The following TNFSF4 variants were observed in gnomAD, a reference collection of about 807,000 sequenced individuals.
The protein encoded by TNFSF4 is TNF superfamily member 4.
A neutral mutation model predicts 7.3 loss-of-function variants in TNFSF4; 4 were observed. The observed-to-expected ratio is 0.55, with a 90% CI of 0.27 to 1.25. TNFSF4 has a LOEUF of 1.25. Among genes scored for constraint, TNFSF4 ranks in the 50% most tolerant of loss-of-function variants. TNFSF4 has a pLI of 0.12. For missense variants in TNFSF4, 181 were observed against 208.8 expected (o/e 0.87, Z 0.82); for synonymous variants, 76 against 83.7 (o/e 0.91, Z 0.50).
At chr1:173,275,725 C>T in the TNFSF4 span, among the ~76,000 whole-genome samples, 139 of 152,218 alleles carry the variant, frequency 9.1e-4, no homozygotes, top group Admixed American at 1.9e-3. Context: ...AAGTTGTTGA[C>T]AATGTTTAGA....
chr1:173,437,084 G>GT, the TNFSF4 span, among the ~76,000 whole-genome samples: 1 of 152,164 alleles, frequency 6.6e-6, no homozygotes, highest in Non-Finnish European at 1.5e-5. Context: ...GCAGTATTCT[G>GT]TATGTATTGT....
chr1:173,317,549 A>G, the TNFSF4 span, among the ~76,000 whole-genome samples: 1 of 152,232 alleles, frequency 6.6e-6, no homozygotes, highest in South Asian at 2.1e-4. Context: ...AAAGAAAGAA[A>G]CTAGATTTAA....
the TNFSF4 span, among the ~76,000 whole-genome samples, chr1:173,275,215 C>A: frequency 6.6e-6 from 1 of 152,098 alleles, no homozygotes; most frequent in Non-Finnish European, 1.5e-5. Context: ...ACAGAACAGG[C>A]CTGGGCAGAT....
At chr1:173,365,976 A>G in the TNFSF4 span, among the ~76,000 whole-genome samples, 1 of 152,248 alleles carries the variant, frequency 6.6e-6, no homozygotes, top group Non-Finnish European at 1.5e-5. Context: ...ACAGGCAATA[A>G]CAAATGCTAG....
chr1:173,212,050 G>C (rs954899477), upstream of TNFSF4, among the ~76,000 whole-genome samples: 8 of 152,188 alleles, frequency 5.3e-5, no homozygotes, highest in African/African-American at 1.9e-4. Flanking sequence ...TCTACTCATA[G>C]TGGAAGGTAA....
In TNFSF4 at chr1:173,186,797, T is replaced by G; in HGVS notation, c.271A>C (p.Asn91His). ...CCATCACAGTTGATGATGACTGAGT[T>G]GTTCTGCACCTTCATGATTTCATCC... ...KEDEIMKVQNNSVIINCDGFY... is the reference protein window; with the variant it reads ...KEDEIMKVQNHSVIINCDGFY... The change falls in exon 3 of 3, where the codon AAC becomes CAC. Residue 91 changes from asparagine (N) to histidine (H), a missense_variant. Asn to His is a moderately conservative substitution (Grantham distance 68, BLOSUM62 1). Coordinates refer to ENST00000281834, the MANE Select transcript of TNFSF4 (RefSeq NM_003326.5). 1 of 1,613,636 alleles carries G rather than the reference T, an allele frequency of 6.2e-7. No homozygotes were observed. The highest frequency in any genetic ancestry group is 8.5e-7 in the Non-Finnish European group (1 of 1,179,800).
the TNFSF4 span, among the ~76,000 whole-genome samples, chr1:173,386,118 C>T: frequency 2.0e-5 from 3 of 152,100 alleles, no homozygotes; most frequent in Admixed American, 6.5e-5. Context: ...CCTCGAGGAC[C>T]GTGAAGGCAG....
the TNFSF4 span, among the ~76,000 whole-genome samples, chr1:173,435,153 A>G: frequency 3.9e-5 from 6 of 152,210 alleles, no homozygotes; most frequent in Admixed American, 3.3e-4. Context: ...AGTCTTTTGG[A>G]CAATGGCATC....
chr1:173,267,838 AAGGAGAGCAG>A, the TNFSF4 span, among the ~76,000 whole-genome samples: 1 of 151,834 alleles, frequency 6.6e-6, no homozygotes, highest in Admixed American at 6.6e-5. Context: ...GAGGAAAGGA[AAGGAGAGCAG>A]AGGAGAGGAG....
At chr1:173,336,257 T>C in the TNFSF4 span, among the ~76,000 whole-genome samples, 1 of 152,184 alleles carries the variant, frequency 6.6e-6, no homozygotes, top group Non-Finnish European at 1.5e-5. Context: ...CATTAAAGAT[T>C]TGAAAGACAC....
At chr1:173,344,036 A>G in the TNFSF4 span, among the ~76,000 whole-genome samples, 1 of 152,246 alleles carries the variant, frequency 6.6e-6, no homozygotes, top group Non-Finnish European at 1.5e-5. Context: ...AGGAATTAAA[A>G]GGCTTAGGAT....
the TNFSF4 span, among the ~76,000 whole-genome samples, chr1:173,401,883 T>A: frequency 1.7e-3 from 260 of 152,336 alleles, no homozygotes; most frequent in Admixed American, 2.9e-3. Context: ...ATGCTGCTAA[T>A]GTCCTATCTT....
At chr1:173,363,589 G>T in the TNFSF4 span, 1 of 495,382 alleles carries the variant, frequency 2.0e-6, no homozygotes, top group Non-Finnish European at 4.1e-6. Context: ...AGGCTTATTT[G>T]GGGAGTGTCG....
At chr1:173,373,001 C>T in the TNFSF4 span, among the ~76,000 whole-genome samples, 2 of 152,222 alleles carry the variant, frequency 1.3e-5, no homozygotes, top group South Asian at 4.1e-4. Context: ...AGCCTCTTCC[C>T]CCAGGGACCA....
chr1:173,420,281 G>T, the TNFSF4 span, among the ~76,000 whole-genome samples: 2 of 152,022 alleles, frequency 1.3e-5, no homozygotes, highest in African/African-American at 2.4e-5. Flanking sequence ...TTCACTTCAG[G>T]TTTGGAAACT....
chr1:173,285,921 G>T, the TNFSF4 span, among the ~76,000 whole-genome samples: 3 of 152,114 alleles, frequency 2.0e-5, no homozygotes, highest in Admixed American at 2.0e-4. Context: ...AACAGAGACT[G>T]CATGACCTGC....
chr1:173,332,263 C>T, the TNFSF4 span, among the ~76,000 whole-genome samples: 2 of 152,156 alleles, frequency 1.3e-5, no homozygotes, highest in African/African-American at 4.8e-5. Context: ...TCTGTCATGG[C>T]CCACAGCCCG....
intron 1 of TNFSF4, among the ~76,000 whole-genome samples, chr1:173,200,404 T>C (rs1380204566): frequency 1.3e-5 from 2 of 152,316 alleles, no homozygotes; most frequent in Middle Eastern, 3.4e-3. Context: ...AAGTAGTACA[T>C]TGAATAATAC....
At chr1:173,290,778 C>G in the TNFSF4 span, among the ~76,000 whole-genome samples, 2 of 152,168 alleles carry the variant, frequency 1.3e-5, no homozygotes, top group Non-Finnish European at 2.9e-5. Flanking sequence ...ACAGAATATA[C>G]ATTCTTCTAA....
Sources: gnomAD v4.1 joint callset for allele counts (sites outside exome capture counted in the v4.1 genomes callset) on GRCh38, gnomAD v4.1.1 for gene constraint, MANE v1.5 for transcripts, NCBI Gene and HGNC (gene_info 2026-07-23, HGNC 2026-07-21) for gene names.